TLL1: variants seen among roughly 807,000 people sequenced by gnomAD.
The protein encoded by TLL1 is tolloid like 1, also known as tolloid-like protein 1.
In TLL1, 49 loss-of-function variants were observed where a neutral mutation model predicts 128.2. The ratio of observed to expected loss-of-function variants is 0.38; its 90% CI spans 0.30 to 0.48. TLL1 has a LOEUF of 0.48. Ranked by LOEUF, TLL1 falls within the 20% of genes least tolerant of loss-of-function variation. The probability of loss-of-function intolerance (pLI) is 0.96; values close to 1 mark genes in which losing one functional copy is unlikely to be tolerated. For missense variants in TLL1, 1,123 were observed against 1,242.0 expected (o/e 0.90, Z 1.44); for synonymous variants, 454 against 418.8 (o/e 1.08, Z -1.03).
intron 18 of TLL1, among the ~76,000 whole-genome samples, chr4:166,088,494 C>T (rs561574093): frequency 1.3e-5 from 2 of 152,066 alleles, no homozygotes; most frequent in South Asian, 2.1e-4. Context: ...GACAGACTTC[C>T]GAGATCTCAG....
Position 166,060,035 on chromosome 4 carries a change from T to C in TLL1, c.1854T>C (p.Cys618=). The change falls in exon 15 of 21, where the codon TGT becomes TGC. Residue 618 remains cysteine (C), a synonymous_variant. Transcript: ENST00000061240. The part of the protein sequence containing the change: ...GPDRRSCEAA[C]GGLLTKLNGT... ...TCTTTTCTTTTCTTCTAGCTGCTTG[T>C]GGTGGACTTCTTACCAAACTTAACG... The C allele has an allele frequency of 2.5e-6, 4 of 1,613,684 alleles. No individual in the cohort carries two copies. The highest frequency in any genetic ancestry group is 4.5e-5 in the East Asian group (2 of 44,818).
intron 16 of TLL1, among the ~76,000 whole-genome samples, chr4:166,070,953 G>A (rs1035344238): frequency 6.6e-6 from 1 of 151,800 alleles, no homozygotes; most frequent in African/African-American, 2.4e-5. Context: ...CATCATTATT[G>A]AAATTTAAAT....
chr4:166,034,278 A>T (rs1282184120), intron 9 of TLL1, among the ~76,000 whole-genome samples: 2 of 152,158 alleles, frequency 1.3e-5, no homozygotes, highest in African/African-American at 4.8e-5. Context: ...AAAGATTTTG[A>T]GCGATATGAA....
intron 16 of TLL1, among the ~76,000 whole-genome samples, chr4:166,072,306 A>T (rs1740828864): frequency 6.6e-6 from 1 of 152,036 alleles, no homozygotes; most frequent in South Asian, 2.1e-4. Flanking sequence ...AATGACAGAT[A>T]CTTAGAGAAT....
Position 166,003,573 on chromosome 4 carries a change from A to C in TLL1, c.811+4A>C. 1 of 1,613,836 alleles carries C rather than the reference A, an allele frequency of 6.2e-7. No homozygotes were observed. The highest frequency in any genetic ancestry group is 8.5e-7 in the Non-Finnish European group (1 of 1,179,778). On this transcript the variant is annotated splice_donor_region_variant and intron_variant, in intron 6 of 20. Transcript: ENST00000061240. ...ATAAGAGAAAACATCCAGCCAGGTG[A>C]GAGGCATAGAATGTGTTGGGTTTAA...
At chr4:166,060,689 C>T (rs1179482143) in intron 15 of TLL1, among the ~76,000 whole-genome samples, 2 of 152,114 alleles carry the variant, frequency 1.3e-5, no homozygotes, top group Non-Finnish European at 2.9e-5. Context: ...TTAAAGCTAT[C>T]CTTTTTTAAT....
chr4:166,057,492 G>C (rs1740079009), intron 14 of TLL1, among the ~76,000 whole-genome samples, 183 bp downstream of exon 14: 1 of 152,058 alleles, frequency 6.6e-6, no homozygotes, highest in African/African-American at 2.4e-5. Context: ...GTTATAGAAT[G>C]GGTCCTTTCC....
At chr4:166,084,049 G>A (rs1324867235) in intron 18 of TLL1, among the ~76,000 whole-genome samples, 2 of 151,928 alleles carry the variant, frequency 1.3e-5, no homozygotes, top group East Asian at 1.9e-4. Context: ...ACCAACACTC[G>A]TTATCTTTTG....
At chr4:165,940,004 C>A (rs1733935064) in intron 1 of TLL1, among the ~76,000 whole-genome samples, 1 of 151,838 alleles carries the variant, frequency 6.6e-6, no homozygotes, top group South Asian at 2.1e-4. Context: ...TTTTATGGTG[C>A]CACTTTTTAT....
At position 166,040,960 on chromosome 4, in the gene TLL1, T is replaced by G. The variant is rs79714820; in HGVS notation, c.1262-1067T>G. On this transcript the variant is annotated intron_variant, in intron 10 of 20. Transcript: ENST00000061240. ...TGCTTTGTTATATTTAAGCATTTTG[T>G]GATCATGTGAAAGCTTTGAGCATAG... Among the ~76,000 whole-genome samples, 829 of 152,310 alleles carry G rather than the reference T, an allele frequency of 5.4e-3. 4 individuals carry two copies. Among genetic ancestry groups the G allele is most frequent in the African/African-American group, 0.019 (781 of 41,570 alleles).
chr4:165,925,415 C>T (rs1733225997), intron 1 of TLL1, among the ~76,000 whole-genome samples: 1 of 152,078 alleles, frequency 6.6e-6, no homozygotes, highest in Admixed American at 6.6e-5. Flanking sequence ...GAAGTAATTG[C>T]AGATGTGATG....
At chr4:166,009,941 C>T (rs761212425) in intron 7 of TLL1, among the ~76,000 whole-genome samples, 1 of 151,366 alleles carries the variant, frequency 6.6e-6, no homozygotes, top group Non-Finnish European at 1.5e-5. Flanking sequence ...ATTCATCTTG[C>T]AAAACGTAAA....
rs1014099533 is a variant in TLL1 at position 166,091,396 on chromosome 4, C to T, written c.2656+55C>T. ...TTTGACTGAGATCCAGGTTTTTCTT[C>T]TGGTGAATTTGGTTCAATAATAGGA... On this transcript the variant is annotated intron_variant, in intron 19 of 20. Coordinates refer to ENST00000061240, the MANE Select transcript of TLL1 (RefSeq NM_012464.5). The T allele has an allele frequency of 1.5e-5, 22 of 1,492,356 alleles. No individual in the cohort carries two copies. In the Admixed American group the frequency reaches 2.4e-4, roughly 17 times the overall value. 92.4% of individuals were successfully genotyped at this position (1,492,356 alleles called of 1,614,324 possible).
At chr4:166,000,443 A>G (rs1444014762) in intron 5 of TLL1, among the ~76,000 whole-genome samples, 3 of 152,078 alleles carry the variant, frequency 2.0e-5, no homozygotes, top group Admixed American at 1.3e-4. Context: ...TGTGAAATCT[A>G]TTTTTCCTTT....
At chr4:166,043,526 A>G in intron 12 of TLL1, 107 bp downstream of exon 12, 2 of 1,519,814 alleles carry the variant, frequency 1.3e-6, no homozygotes, top group South Asian at 2.3e-5. Context: ...CAGCCTTTTA[A>G]TCAGCAAAGA....
intron 1 of TLL1, among the ~76,000 whole-genome samples, chr4:165,953,317 C>T (rs1006625300): frequency 2.0e-5 from 3 of 152,012 alleles, no homozygotes; most frequent in African/African-American, 7.2e-5. Flanking sequence ...CCGTGAGGTA[C>T]AGCCAGATGG....
rs1044222045 is a variant in TLL1 at position 166,037,947 on chromosome 4, C to A, written c.1159-1392C>A. On this transcript the variant is annotated intron_variant, in intron 9 of 20. Coordinates refer to ENST00000061240, the MANE Select transcript of TLL1 (RefSeq NM_012464.5). Reference sequence around the variant, plus strand: ...TGTTAGTCTATATGGATATTTGAAACCAACTTTGGTGTACAGTTTCATCAC... The same window carrying A: ...TGTTAGTCTATATGGATATTTGAAAACAACTTTGGTGTACAGTTTCATCAC... Among the ~76,000 whole-genome samples, 4 of 152,078 alleles carry A rather than the reference C, an allele frequency of 2.6e-5. No homozygotes were observed. In the East Asian group the frequency reaches 7.7e-4, roughly 29 times the overall value.
At chr4:166,044,012 C>A (rs1297767930) in intron 12 of TLL1, among the ~76,000 whole-genome samples, 1 of 152,098 alleles carries the variant, frequency 6.6e-6, no homozygotes, top group African/African-American at 2.4e-5. Context: ...AACTAACACG[C>A]TGGCCCGTGA....
At chr4:165,971,094 ATAAT>A (rs1393953461) in intron 1 of TLL1, among the ~76,000 whole-genome samples, 1 of 152,200 alleles carries the variant, frequency 6.6e-6, no homozygotes, top group Admixed American at 6.5e-5. Flanking sequence ...TTATATGTAA[ATAAT>A]TAAATAAATT....
Sources: gnomAD v4.1 joint callset for allele counts (sites outside exome capture counted in the v4.1 genomes callset) on GRCh38, gnomAD v4.1.1 for gene constraint, MANE v1.5 for transcripts, NCBI Gene and HGNC (gene_info 2026-07-23, HGNC 2026-07-21) for gene names.